Variants in ITPR3 observed in about 807,000 individuals in gnomAD.
ITPR3 encodes inositol 1,4,5-trisphosphate-gated calcium channel ITPR3.
In ITPR3, 173 loss-of-function variants were observed where a neutral mutation model predicts 293.2. That is an observed-to-expected ratio of 0.59 (90% CI 0.52 to 0.67). ITPR3 has a LOEUF of 0.67. ITPR3 is among the 30% of genes least tolerant of loss of function. The probability of loss-of-function intolerance (pLI) is 0.00; values close to 1 mark genes in which losing one functional copy is unlikely to be tolerated. For synonymous variants in ITPR3, 1,295 were observed against 1,444.4 expected (o/e 0.90, Z 2.35); for missense variants, 2,796 against 3,592.1 (o/e 0.78, Z 5.66).
intron 1 of ITPR3, among the ~76,000 whole-genome samples, chr6:33,629,410 T>A (rs1173923145): frequency 6.6e-6 from 1 of 152,012 alleles, no homozygotes; most frequent in East Asian, 1.9e-4. Context: ...AATCCTCCTG[T>A]CTTGGCCTCC....
Position 33,640,470 on chromosome 6 carries a change from G to A in ITPR3, c.90-14G>A, listed in dbSNP as rs1413349981. The A allele has an allele frequency of 1.2e-6, 2 of 1,612,564 alleles. No homozygotes were observed. Among genetic ancestry groups the A allele is most frequent in the Non-Finnish European group, 1.7e-6 (2 of 1,179,300 alleles). On this transcript the variant is annotated splice_polypyrimidine_tract_variant and intron_variant, in intron 1 of 57. Coordinates refer to ENST00000605930, the MANE Select transcript of ITPR3 (RefSeq NM_002224.4). Reference sequence around the variant, plus strand: ...TCTCTTCTCTCCTGCTGACCGAGCTGCTTTGTTCCCCAGGCTGGTGGATGA... The same window carrying A: ...TCTCTTCTCTCCTGCTGACCGAGCTACTTTGTTCCCCAGGCTGGTGGATGA...
At chr6:33,668,931 C>T in intron 17 of ITPR3, 43 bp from the exon 18 acceptor site, 4 of 1,588,084 alleles carry the variant, frequency 2.5e-6, no homozygotes, top group Non-Finnish European at 2.6e-6. Context: ...AGGCGTAGTG[C>T]CCTGGACCTG....
chr6:33,626,235 G>A (rs1192807920), intron 1 of ITPR3, among the ~76,000 whole-genome samples: 7 of 152,022 alleles, frequency 4.6e-5, no homozygotes, highest in Non-Finnish European at 5.9e-5. Flanking sequence ...GTGCCTGGCC[G>A]TTGCTGGATG....
Position 33,667,656 on chromosome 6 carries a change from G to A in ITPR3, c.1714-136G>A. 1.1e-6 allele frequency: 1 copy of A among 951,716 alleles called. No homozygotes were observed. Among genetic ancestry groups the A allele is most frequent in the Non-Finnish European group, 1.6e-6 (1 of 644,346 alleles). The allele number at this position is 951,716 out of a possible 1,614,324, so 59.0% of individuals were successfully genotyped here. ...GTAAGCCACTCTTCTGCCCAGCGAT[G>A]CTTCCTTTCCTGGACCTCTGCCTTT... is the stretch of plus-strand genomic sequence containing the variant. On this transcript the variant is annotated intron_variant, in intron 15 of 57. Coordinates refer to ENST00000605930, the MANE Select transcript of ITPR3 (RefSeq NM_002224.4). This position sits in a 1 kb window ranked among gnomAD's most constrained non-coding sequence, Gnocchi z 4.4.
chr6:33,624,282 T>G lies in ITPR3; in HGVS notation c.89+2591T>G, dbSNP rs1582092323. Among the ~76,000 whole-genome samples the G allele has an allele frequency of 6.6e-6, 1 of 152,238 alleles. No homozygotes were observed. The highest frequency in any genetic ancestry group is 2.4e-5 in the African/African-American group (1 of 41,452). Reference sequence around the variant, plus strand: ...CTTGCCAGGATTAACACCATTCATATATTTAGCAGGTCTACAGGCACTGTA... The same window carrying G: ...CTTGCCAGGATTAACACCATTCATAGATTTAGCAGGTCTACAGGCACTGTA... On this transcript the variant is annotated intron_variant, in intron 1 of 57. Coordinates refer to ENST00000605930, the MANE Select transcript of ITPR3 (RefSeq NM_002224.4). The surrounding 1 kb of genome is among the most constrained non-coding windows in gnomAD (Gnocchi z 4.7).
chr6:33,695,190 C>A, intron 57 of ITPR3, 105 bp downstream of exon 57: 3 of 1,303,420 alleles, frequency 2.3e-6, no homozygotes, highest in Non-Finnish European at 3.2e-6. Flanking sequence ...TGGCCTCTGG[C>A]CCTGGGCCTG....
At chr6:33,671,873 C>A (rs569359814) in intron 21 of ITPR3, among the ~76,000 whole-genome samples, 156 bp from the exon 22 acceptor site, 1 of 152,214 alleles carries the variant, frequency 6.6e-6, no homozygotes, top group African/African-American at 2.4e-5. Flanking sequence ...CTCCAGGAAG[C>A]CTTCCTGGGT....
At chr6:33,695,120 G>A (rs778059827) in intron 57 of ITPR3, 35 bp downstream of exon 57, 1 of 1,609,024 alleles carries the variant, frequency 6.2e-7, no homozygotes, top group East Asian at 2.2e-5. Context: ...CCCACCCTGG[G>A]TTCTATCCCT....
At chr6:33,659,857 G>A (rs1375520142) in intron 7 of ITPR3, among the ~76,000 whole-genome samples, 1 of 152,130 alleles carries the variant, frequency 6.6e-6, no homozygotes, top group Admixed American at 6.5e-5. Flanking sequence ...CAGAGCCTTT[G>A]AGCACCTTCC....
rs766983681 is a variant in ITPR3, at chr6:33,693,576, A to G, written c.7656A>G (p.Thr2552=). The G allele has an allele frequency of 1.2e-6, 2 of 1,614,192 alleles. No individual in the cohort carries two copies. The highest frequency in any genetic ancestry group is 1.7e-5 in the Admixed American group (1 of 60,034). ...AGAGGGACAAGTTTGATAACAAGACAGTGTCATTTGAGGAACACATCAAGC... is the reference window on the plus strand; with the variant it reads ...AGAGGGACAAGTTTGATAACAAGACGGTGTCATTTGAGGAACACATCAAGC... ...GLERDKFDNK[T]VSFEEHIKLE... is the part of the protein sequence containing the mutation. The change falls in exon 56 of 58, where the codon ACA becomes ACG. Residue 2552 remains threonine, a synonymous_variant. Transcript: ENST00000605930.
intron 3 of ITPR3, among the ~76,000 whole-genome samples, chr6:33,656,740 G>T (rs1764315893): frequency 6.6e-6 from 1 of 152,240 alleles, no homozygotes; most frequent in Non-Finnish European, 1.5e-5. Flanking sequence ...CTGTGGTCAA[G>T]AACTTTGTAG....
chr6:33,632,263 C>T lies in ITPR3; in HGVS notation c.90-8221C>T, dbSNP rs1055666147. 6.6e-6 allele frequency among the ~76,000 whole-genome samples: 1 copy of T among 152,118 alleles called. No homozygotes were observed. The highest frequency in any genetic ancestry group is 2.4e-5 in the African/African-American group (1 of 41,400). On this transcript the variant is annotated intron_variant, in intron 1 of 57. Transcript: ENST00000605930. This position sits in a 1 kb window ranked among gnomAD's most constrained non-coding sequence, Gnocchi z 4.1. ...GGGGGGAGGGTTGTTCAGGGTCCCT[C>T]GGGGATTTCCCCAGTCTGTCATTCC...
chr6:33,693,647 G>A lies in ITPR3; in HGVS notation c.7727G>A (p.Arg2576His), dbSNP rs147003223. 3.1e-6 allele frequency: 5 copies of A among 1,614,200 alleles called. No individual in the cohort carries two copies. Among genetic ancestry groups the A allele is most frequent in the African/African-American group, 1.3e-5 (1 of 75,052 alleles). ...TACTTGTACTTCATTGTGCTGGTCC[G>A]CGTGAAGAACAAGACCGACTACACG... Reference protein sequence around the residue: ...WNYLYFIVLVRVKNKTDYTGP... With the variant: ...WNYLYFIVLVHVKNKTDYTGP... Residue 2576 changes from arginine (R) to histidine (H), a missense_variant, in exon 56 of 58, where the codon CGC (arginine) becomes CAC (histidine). This residue lies in a region of ITPR3 where 568 missense variants were observed against 796.1 expected (regional missense o/e 0.71). Transcript: ENST00000605930.
Position 33,624,114 on chromosome 6 carries a change from C to T in ITPR3, c.89+2423C>T, listed in dbSNP as rs1197839012. 1.3e-5 allele frequency among the ~76,000 whole-genome samples: 2 copies of T among 152,236 alleles called. No homozygotes were observed. The highest frequency in any genetic ancestry group is 2.9e-5 in the Non-Finnish European group (2 of 68,046). On this transcript the variant is annotated intron_variant, in intron 1 of 57. Coordinates refer to ENST00000605930, the MANE Select transcript of ITPR3 (RefSeq NM_002224.4). This position sits in a 1 kb window ranked among gnomAD's most constrained non-coding sequence, Gnocchi z 4.7. Reference sequence around the variant, plus strand: ...CCTCTAAGGCTTAATGCAAAGTGGCCTCTTTTGAGAAATCCAGCTTCCCCA... The same window carrying T: ...CCTCTAAGGCTTAATGCAAAGTGGCTTCTTTTGAGAAATCCAGCTTCCCCA...
chr6:33,683,068 C>A lies in ITPR3; in HGVS notation c.4598-139C>A. 1.9e-6 allele frequency: 1 copy of A among 518,740 alleles called. No homozygotes were observed. Among genetic ancestry groups the A allele is most frequent in the East Asian group, 3.9e-5 (1 of 25,730 alleles). 32.1% of individuals were successfully genotyped at this position (518,740 alleles called of 1,614,324 possible). On this transcript the variant is annotated intron_variant, in intron 34 of 57. Coordinates refer to ENST00000605930, the MANE Select transcript of ITPR3 (RefSeq NM_002224.4). The surrounding 1 kb of genome is among the most constrained non-coding windows in gnomAD (Gnocchi z 4.5). Reference sequence around the variant, plus strand: ...GCCTCTCAGTCCCTCAAGCATAGGCCGGGGTGGGGGGGGTCTCTGTCTCCC... The same window carrying A: ...GCCTCTCAGTCCCTCAAGCATAGGCAGGGGTGGGGGGGGTCTCTGTCTCCC...
At chr6:33,686,010 C>T (rs768455330) in intron 41 of ITPR3, 43 bp from the exon 42 acceptor site, 41 of 1,603,346 alleles carry the variant, frequency 2.6e-5, no homozygotes, top group African/African-American at 5.4e-5. Context: ...CCTCCCTCTC[C>T]GTGCTGTAGC....
intron 43 of ITPR3, 118 bp downstream of exon 43, chr6:33,686,637 G>A (rs1765239919): frequency 3.8e-6 from 3 of 789,154 alleles, no homozygotes; most frequent in Non-Finnish European, 6.7e-6. Context: ...AGCATTGTGT[G>A]ATGGGGCATC....
rs746251050 is a variant in ITPR3, at chr6:33,688,638, C to T, written c.6569-18C>T. Reference sequence around the variant, plus strand: ...TCACCAGGGCCCTCCAGCAGCTCACCGTTGCCCTCCTCTTCAGGCATGCCG... The same window carrying T: ...TCACCAGGGCCCTCCAGCAGCTCACTGTTGCCCTCCTCTTCAGGCATGCCG... On this transcript the variant is annotated intron_variant, in intron 48 of 57. Transcript: ENST00000605930. The T allele has an allele frequency of 2.4e-5, 39 of 1,613,604 alleles. No individual in the cohort carries two copies. Among genetic ancestry groups the T allele is most frequent in the Admixed American group, 1.2e-4 (7 of 59,982 alleles).
chr6:33,672,352 G>A lies in ITPR3; in HGVS notation c.2928+124G>A, dbSNP rs1292484668. ...GTATTTAGTACTGGAAGTCTCCATC[G>A]TGACTGGCTGTCAGGCCCAGCGGTT... On this transcript the variant is annotated intron_variant, in intron 22 of 57. Transcript: ENST00000605930. The surrounding 1 kb of genome is among the most constrained non-coding windows in gnomAD (Gnocchi z 5.0). The A allele has an allele frequency of 2.2e-5, 18 of 824,642 alleles. No homozygotes were observed. Among genetic ancestry groups the A allele is most frequent in the Middle Eastern group, 6.2e-4 (2 of 3,218 alleles). 51.1% of individuals were successfully genotyped at this position (824,642 alleles called of 1,614,324 possible). A position where few individuals can be genotyped will look rare whatever the true frequency, so the allele number is the denominator to read the frequency against.
Sources: gnomAD v4.1 joint callset for allele counts (sites outside exome capture counted in the v4.1 genomes callset) on GRCh38, gnomAD v4.1.1 for gene constraint, gnomAD v4.1.1 regional missense constraint, Gnocchi (gnomAD v3.1) non-coding constraint, MANE v1.5 for transcripts, NCBI Gene and HGNC (gene_info 2026-07-23, HGNC 2026-07-21) for gene names.